MTX2: variants seen among roughly 807,000 people sequenced by gnomAD.
MTX2 encodes metaxin 2.
Under a neutral mutation model 42.3 loss-of-function variants are expected in MTX2, and 35 were observed. The ratio of observed to expected loss-of-function variants is 0.83; its 90% CI spans 0.63 to 1.10. The LOEUF (loss-of-function observed/expected upper bound fraction) is 1.10, where lower values mean the gene tolerates loss of function less well. MTX2 is among the 50% of genes least tolerant of loss of function. The probability of loss-of-function intolerance (pLI) is 0.00; values close to 1 mark genes in which losing one functional copy is unlikely to be tolerated. For missense variants in MTX2, 307 were observed against 304.1 expected, an observed-to-expected ratio of 1.01 and a Z score of -0.07; for synonymous variants, 119 against 100.9, an observed-to-expected ratio of 1.18 and a Z score of -1.08.
chr2:176,303,641 G>C (rs1192765584), intron 3 of MTX2, among the ~76,000 whole-genome samples: 2 of 151,996 alleles, frequency 1.3e-5, no homozygotes, highest in African/African-American at 4.8e-5. Context: ...ATTGCAAATA[G>C]AATTTAGCAG....
intron 1 of MTX2, among the ~76,000 whole-genome samples, chr2:176,294,986 A>G (rs1174573577): frequency 6.6e-6 from 1 of 152,204 alleles, no homozygotes; most frequent in African/African-American, 2.4e-5. Flanking sequence ...TGTTACCTTA[A>G]CATAGATGAT....
intron 9 of MTX2, among the ~76,000 whole-genome samples, chr2:176,335,655 G>A (rs79445063): frequency 9.9e-5 from 15 of 152,174 alleles, no homozygotes; most frequent in Non-Finnish European, 1.9e-4. Flanking sequence ...ATAGGAGGGT[G>A]AAAGAAAGAA....
At chr2:176,297,930 C>T (rs371481554) in intron 3 of MTX2, 35 bp downstream of exon 3, 4 of 1,478,020 alleles carry the variant, frequency 2.7e-6, no homozygotes, top group Middle Eastern at 1.8e-4. Flanking sequence ...CTTTTTCACC[C>T]CCTAGGTGGT....
chr2:176,313,179 T>C (rs1450112303), intron 3 of MTX2, among the ~76,000 whole-genome samples: 4 of 151,946 alleles, frequency 2.6e-5, no homozygotes, highest in African/African-American at 9.7e-5. Context: ...TAATAATACC[T>C]AATATTTTTT....
At chr2:176,283,877 C>T (rs917547605) in intron 1 of MTX2, among the ~76,000 whole-genome samples, 1 of 151,968 alleles carries the variant, frequency 6.6e-6, no homozygotes, top group Non-Finnish European at 1.5e-5. Context: ...TAGACTTTTA[C>T]TCTTAACCAG....
At chr2:176,298,397 G>A (rs1683944334) in intron 3 of MTX2, among the ~76,000 whole-genome samples, 1 of 152,034 alleles carries the variant, frequency 6.6e-6, no homozygotes, top group East Asian at 1.9e-4. Context: ...GATTACATGA[G>A]TGTTTATTAT....
chr2:176,329,363 A>G lies in MTX2; in HGVS notation c.480A>G (p.Gln160=), dbSNP rs552510181. Residue 160 remains glutamine (Q), a synonymous_variant, in exon 8 of 10, where the codon CAA becomes CAG. Coordinates refer to ENST00000249442, the MANE Select transcript of MTX2 (RefSeq NM_006554.5). The stretch of plus-strand genomic sequence containing the variant: ...CTCTGAATCATATTTTGGCCTATCA[A>G]AAACAGTGGGAAGTCAAACGTAAGA... ...PWPLNHILAY[Q]KQWEVKRKMK... is the part of the protein sequence containing the mutation. The G allele has an allele frequency of 5.6e-6, 9 of 1,608,162 alleles. No homozygotes were observed. The highest frequency in any genetic ancestry group is 4.0e-5 in the African/African-American group (3 of 74,688).
At chr2:176,270,363 A>T (rs765364333) in intron 1 of MTX2, 1 of 1,362,376 alleles carries the variant, frequency 7.3e-7, no homozygotes, top group Non-Finnish European at 9.8e-7. Context: ...TTAAATCTGC[A>T]TGTACTTTAA....
At chr2:176,279,725 T>C (rs1221827107) in intron 1 of MTX2, among the ~76,000 whole-genome samples, 2 of 152,168 alleles carry the variant, frequency 1.3e-5, no homozygotes, top group Non-Finnish European at 2.9e-5. Flanking sequence ...TGTTCTTACA[T>C]TGAGATTGTG....
chr2:176,319,791 G>A (rs1684533243), intron 3 of MTX2, among the ~76,000 whole-genome samples: 1 of 152,002 alleles, frequency 6.6e-6, no homozygotes. Context: ...GGCCAGGCTG[G>A]TCTCAAACTC....
At chr2:176,329,002 AT>A in intron 7 of MTX2, 90 bp downstream of exon 7, 1 of 1,184,050 alleles carries the variant, frequency 8.4e-7, no homozygotes, top group Non-Finnish European at 1.2e-6. Context: ...TAAATGAAAC[AT>A]TGTGGTTTAT....
Position 176,328,455 on chromosome 2 carries a change from A to C in MTX2, c.378+70A>C, listed in dbSNP as rs1470768477. On this transcript the variant is annotated intron_variant, in intron 6 of 9. Transcript: ENST00000249442. ...ATTCTCATAAAATATAATCTTTCTT[A>C]TGGGTTAAAGTTATTGAGAAATGGG... 2.9e-6 allele frequency: 3 copies of C among 1,029,682 alleles called. No homozygotes were observed. In the East Asian group the frequency reaches 8.1e-5, roughly 28 times the overall value. The allele number at this position is 1,029,682 out of a possible 1,614,324, so 63.8% of individuals were successfully genotyped here. A position where few individuals can be genotyped will look rare whatever the true frequency, so the allele number is the denominator to read the frequency against.
chr2:176,332,974 A>G (rs958913172), intron 9 of MTX2, among the ~76,000 whole-genome samples: 1 of 151,498 alleles, frequency 6.6e-6, no homozygotes, highest in African/African-American at 2.4e-5. Flanking sequence ...TGAGTGCCAG[A>G]AAAATCTTAA....
chr2:176,316,482 G>C lies in MTX2; in HGVS notation c.136-6910G>C, dbSNP rs112416553. The stretch of plus-strand genomic sequence containing the variant: ...AGTGGTGTGATCACGGCTTACTACA[G>C]CCTCAACCTCCTGGGCTTAGGTGAT... On this transcript the variant is annotated intron_variant, in intron 3 of 9. Coordinates refer to ENST00000249442, the MANE Select transcript of MTX2 (RefSeq NM_006554.5). Among the ~76,000 whole-genome samples, 1,177 of 152,118 alleles carry C rather than the reference G, an allele frequency of 7.7e-3. 18 individuals are homozygous for C. The highest frequency in any genetic ancestry group is 0.027 in the African/African-American group (1,138 of 41,492).
chr2:176,292,817 G>C (rs1387031785), intron 1 of MTX2, among the ~76,000 whole-genome samples: 1 of 152,052 alleles, frequency 6.6e-6, no homozygotes, highest in Non-Finnish European at 1.5e-5. Flanking sequence ...GCTGATGTCA[G>C]CTTGTTTTTG....
intron 9 of MTX2, among the ~76,000 whole-genome samples, chr2:176,335,663 GA>G (rs1410169696): frequency 3.7e-4 from 56 of 152,180 alleles, no homozygotes; most frequent in Non-Finnish European, 6.6e-4. Context: ...GTGAAAGAAA[GA>G]ACTCAAGAGT....
chr2:176,296,626 C>T (rs887229547), intron 1 of MTX2, among the ~76,000 whole-genome samples: 2 of 151,812 alleles, frequency 1.3e-5, no homozygotes, highest in African/African-American at 4.8e-5. Flanking sequence ...TCCCCTCTTC[C>T]CCATTAAAAA....
intron 1 of MTX2, among the ~76,000 whole-genome samples, chr2:176,290,730 A>G (rs1001169921): frequency 6.7e-6 from 1 of 148,848 alleles, no homozygotes; most frequent in African/African-American, 2.5e-5. Context: ...AACTTTGGGC[A>G]CTCCTAGGGA....
intron 9 of MTX2, among the ~76,000 whole-genome samples, chr2:176,334,129 G>C (rs1257305045): frequency 6.6e-6 from 1 of 151,702 alleles, no homozygotes; most frequent in Non-Finnish European, 1.5e-5. Flanking sequence ...TACCTCTGGA[G>C]TTATGTGGAT....
Sources: allele counts gnomAD v4.1 joint callset (sites outside exome capture counted in the v4.1 genomes callset), GRCh38; gene constraint gnomAD v4.1.1; transcripts MANE v1.5; gene names NCBI Gene and HGNC (gene_info 2026-07-23, HGNC 2026-07-21).